The following VIT variants were observed in gnomAD, a reference collection of about 807,000 sequenced individuals.
The protein encoded by VIT is vitrin.
A neutral mutation model predicts 78.0 loss-of-function variants in VIT; 99 were observed. That is an observed-to-expected ratio of 1.27 (90% confidence interval 1.08 to 1.50). The LOEUF (loss-of-function observed/expected upper bound fraction) is 1.50, where lower values mean the gene tolerates loss of function less well. VIT is among the 40% of genes most tolerant of loss of function. The pLI is 0.00. For missense variants in VIT, 1,126 were observed against 875.3 expected, an observed-to-expected ratio of 1.29 and a Z score of -3.61; for synonymous variants, 374 against 334.3, an observed-to-expected ratio of 1.12 and a Z score of -1.29.
At chr2:36,759,350 C>G in intron 6 of VIT, 1 of 1,417,254 alleles carries the variant, frequency 7.1e-7, no homozygotes, top group Middle Eastern at 2.6e-4. Context: ...AATGACATGA[C>G]ATTCTGTCCG....
intron 9 of VIT, among the ~76,000 whole-genome samples, chr2:36,780,124 G>T (rs971884528): frequency 2.6e-5 from 4 of 152,188 alleles, no homozygotes; most frequent in African/African-American, 9.7e-5. Context: ...ATATTTTTCA[G>T]CCTTTGGCTT....
rs114001517 is a variant in VIT at position 36,717,808 on chromosome 2, C to T, written c.52+1386C>T. On this transcript the variant is annotated intron_variant, in intron 2 of 15. Transcript: ENST00000379242. ...CCAGGGCTGCTGTAACAAAACACCG[C>T]AATCTGGGTGGATTAGGACAACAAA... Among the ~76,000 whole-genome samples the T allele has an allele frequency of 3.7e-3, 566 of 152,302 alleles. 8 individuals carry two copies. Among genetic ancestry groups the T allele is most frequent in the African/African-American group, 0.013 (537 of 41,564 alleles).
At chr2:36,785,507 A>AT (rs1282943792) in intron 11 of VIT, among the ~76,000 whole-genome samples, 1 of 152,242 alleles carries the variant, frequency 6.6e-6, no homozygotes, top group East Asian at 1.9e-4. Context: ...TTTTAGTGGC[A>AT]TTTTTCAACT....
At chr2:36,765,157 C>G (rs562606934) in intron 6 of VIT, among the ~76,000 whole-genome samples, 3 of 152,120 alleles carry the variant, frequency 2.0e-5, no homozygotes, top group African/African-American at 7.2e-5. Context: ...GGCGGTTATT[C>G]TGGATTCCCC....
intron 3 of VIT, among the ~76,000 whole-genome samples, chr2:36,735,288 G>A (rs1354970331): frequency 1.3e-5 from 2 of 152,156 alleles, no homozygotes; most frequent in African/African-American, 2.4e-5. Flanking sequence ...AAACCCATAG[G>A]CCCATTCATT....
At chr2:36,813,140 T>G (rs1289510063) in intron 15 of VIT, among the ~76,000 whole-genome samples, 2 of 147,430 alleles carry the variant, frequency 1.4e-5, no homozygotes, top group African/African-American at 2.5e-5. Flanking sequence ...GCACCCAGCC[T>G]GTTTTTGCTT....
chr2:36,702,752 G>T (rs990801202), intron 1 of VIT, among the ~76,000 whole-genome samples: 3 of 152,154 alleles, frequency 2.0e-5, no homozygotes, highest in Non-Finnish European at 2.9e-5. Context: ...CTTCACAGGG[G>T]TTTACAGCTG....
chr2:36,734,802 C>A (rs1374481262), intron 3 of VIT, among the ~76,000 whole-genome samples: 5 of 152,072 alleles, frequency 3.3e-5, no homozygotes, highest in Non-Finnish European at 7.3e-5. Flanking sequence ...GGCTCCAGTG[C>A]CCCCCATGGA....
intron 6 of VIT, among the ~76,000 whole-genome samples, chr2:36,766,364 A>C: frequency 8.9e-6 from 1 of 112,596 alleles, no homozygotes; most frequent in East Asian, 3.4e-4. Context: ...TGCTTTCTCT[A>C]CAAAAAAAAA....
chr2:36,776,858 G>T (rs1670081697), intron 9 of VIT, among the ~76,000 whole-genome samples: 1 of 151,948 alleles, frequency 6.6e-6, no homozygotes, highest in Non-Finnish European at 1.5e-5. Context: ...GGGAGGCCAA[G>T]GAGGGCAGAT....
intron 12 of VIT, among the ~76,000 whole-genome samples, chr2:36,790,025 T>C (rs990111438): frequency 1.3e-5 from 2 of 152,186 alleles, no homozygotes; most frequent in Non-Finnish European, 2.9e-5. Flanking sequence ...AGTCAGAATT[T>C]AGACTTATAA....
intron 12 of VIT, 25 bp downstream of exon 12, chr2:36,787,301 C>T: frequency 1.3e-6 from 2 of 1,596,410 alleles, no homozygotes; most frequent in Non-Finnish European, 8.6e-7. Context: ...TGTTCTGAAT[C>T]CAGAAAGGAA....
intron 1 of VIT, among the ~76,000 whole-genome samples, chr2:36,709,039 A>G (rs577418816): frequency 1.3e-5 from 2 of 152,272 alleles, no homozygotes; most frequent in Admixed American, 1.3e-4. Flanking sequence ...AATCCCAGCT[A>G]CTTGGGAGGT....
chr2:36,758,560 G>A (rs561180918), intron 5 of VIT, among the ~76,000 whole-genome samples: 4 of 152,150 alleles, frequency 2.6e-5, no homozygotes, highest in Admixed American at 6.5e-5. Flanking sequence ...AATCCCACAC[G>A]GTCTGTGAAA....
chr2:36,737,582 T>G (rs560387643), intron 3 of VIT, among the ~76,000 whole-genome samples: 2 of 152,358 alleles, frequency 1.3e-5, no homozygotes, highest in East Asian at 3.9e-4. Context: ...GAGTTAATCT[T>G]AATACCTTGT....
At position 36,814,221 on chromosome 2, in the gene VIT, C is replaced by G. The variant is rs1201266754; in HGVS notation, c.1942C>G (p.Gln648Glu). 5.6e-6 allele frequency: 9 copies of G among 1,614,194 alleles called. No individual in the cohort carries two copies. Among genetic ancestry groups the G allele is most frequent in the South Asian group, 5.5e-5 (5 of 91,086 alleles). The change falls in exon 16 of 16, where the codon CAA becomes GAA. Residue 648 changes from glutamine (Q) to glutamate (E), a missense_variant. Physicochemically the swap from Gln to Glu is conservative, Grantham distance 29 (BLOSUM62 2). Transcript: ENST00000379242. ...TGCGATAGGCGTTGCCTGGGCTGCC[C>G]AAGAGGAGCTAGAAGTCATTGCCAC... ...TYAIGVAWAA[Q>E]EELEVIATHP...
chr2:36,774,489 C>T (rs1572516333), intron 8 of VIT: 1 of 985,052 alleles, frequency 1.0e-6, no homozygotes, highest in Non-Finnish European at 1.2e-6. Context: ...GGAAGTATAC[C>T]ATTCCCTCTG....
intron 12 of VIT, among the ~76,000 whole-genome samples, chr2:36,796,814 T>C (rs554204988): frequency 3.3e-5 from 5 of 152,236 alleles, no homozygotes; most frequent in African/African-American, 1.2e-4. Context: ...TTTTAAATTA[T>C]TTGTCGATGA....
intron 4 of VIT, among the ~76,000 whole-genome samples, chr2:36,753,778 C>T (rs1487192900): frequency 6.6e-6 from 1 of 152,108 alleles, no homozygotes; most frequent in African/African-American, 2.4e-5. Context: ...TCACAGGGAG[C>T]CCGGAGAGAA....
Sources: gnomAD v4.1 joint callset for allele counts (sites outside exome capture counted in the v4.1 genomes callset) on GRCh38, gnomAD v4.1.1 for gene constraint, MANE v1.5 for transcripts, NCBI Gene and HGNC (gene_info 2026-07-23, HGNC 2026-07-21) for gene names.